Variants in NTRK3 observed in about 807,000 individuals in gnomAD.
The protein encoded by NTRK3 is NT-3 growth factor receptor.
A neutral mutation model predicts 91.7 loss-of-function variants in NTRK3; 24 were observed. That is an observed-to-expected ratio of 0.26 (90% CI 0.19 to 0.37). NTRK3 has a LOEUF of 0.37. Ranked by LOEUF, NTRK3 falls within the 10% of genes least tolerant of loss-of-function variation. The pLI is 1.00. For missense variants in NTRK3, 880 were observed against 1,068.9 expected (o/e 0.82, Z 2.46); for synonymous variants, 483 against 404.0 (o/e 1.20, Z -2.34).
chr15:87,963,909 A>T (rs11857033), intron 14 of NTRK3, among the ~76,000 whole-genome samples: 1,739 of 152,292 alleles, frequency 0.011, 37 homozygotes, highest in African/African-American at 0.04. Flanking sequence ...TTTAGTTTCA[A>T]TATATTTAGG....
exon 19 of NTRK3, chr15:87,868,406 T>C: frequency 4.5e-6 from 1 of 223,172 alleles, no homozygotes; most frequent in Non-Finnish European, 8.9e-6. Context: ...CCTAAAGAAA[T>C]ACCTAAGAAT....
At chr15:88,140,703 A>T (rs373794461) in intron 6 of NTRK3, among the ~76,000 whole-genome samples, 4 of 152,366 alleles carry the variant, frequency 2.6e-5, no homozygotes, top group African/African-American at 9.6e-5. Context: ...CGGTATGCTC[A>T]TGAGAGGATG....
intron 14 of NTRK3, among the ~76,000 whole-genome samples, chr15:88,027,859 T>C (rs186204802): frequency 8.5e-5 from 13 of 152,316 alleles, no homozygotes; most frequent in African/African-American, 3.1e-4. Flanking sequence ...AACGGCAGGC[T>C]GACCTATGAT....
intron 13 of NTRK3, among the ~76,000 whole-genome samples, chr15:88,037,351 C>G (rs2079162295): frequency 2.6e-5 from 4 of 152,152 alleles, no homozygotes; most frequent in Admixed American, 2.6e-4. Flanking sequence ...CATGTGAGGT[C>G]AGGCATTCGA....
chr15:88,013,771 G>A (rs758403992), intron 14 of NTRK3, among the ~76,000 whole-genome samples: 4 of 152,136 alleles, frequency 2.6e-5, no homozygotes, highest in Admixed American at 2.0e-4. Flanking sequence ...GGGGACTGAG[G>A]TAGGTGGATT....
intron 5 of NTRK3, among the ~76,000 whole-genome samples, chr15:88,169,011 G>A (rs1452758039): frequency 1.3e-5 from 2 of 152,188 alleles, no homozygotes; most frequent in Admixed American, 1.3e-4. Context: ...ATTCCAAGTC[G>A]AGGGAACGGC....
rs1277835821 is a variant in NTRK3 at position 88,049,295 on chromosome 15, C to CTTG, written c.1397-16251_1397-16250insCAA. ...CCCTAGTTTTCAAGAGTTTATGTTCCCAGGGCAGCAGGCATAATTTTGACC... is the reference window on the plus strand; with the variant it reads ...CCCTAGTTTTCAAGAGTTTATGTTCCTTGCAGGGCAGCAGGCATAATTTTGACC... On this transcript the variant is annotated intron_variant, in intron 13 of 18. Coordinates refer to ENST00000394480, the Ensembl canonical transcript of NTRK3. Among the ~76,000 whole-genome samples, 120 of 152,166 alleles carry CTTG rather than the reference C, an allele frequency of 7.9e-4. 2 individuals are homozygous for CTTG. In the South Asian group the frequency reaches 0.024, roughly 30 times the overall value.
intron 14 of NTRK3, among the ~76,000 whole-genome samples, chr15:87,947,353 GC>G (rs5814317): frequency 0.34 from 51,938 of 151,848 alleles, 10,184 homozygotes; most frequent in African/African-American, 0.55. Context: ...AATCATGACA[GC>G]CCCCTTCAAC....
At chr15:88,080,749 T>C (rs1407354333) in intron 13 of NTRK3, among the ~76,000 whole-genome samples, 1 of 152,220 alleles carries the variant, frequency 6.6e-6, no homozygotes, top group Non-Finnish European at 1.5e-5. Context: ...CAACTGAGGC[T>C]GGTTAGTCCC....
chr15:87,918,574 T>C (rs1450597620), intron 17 of NTRK3, among the ~76,000 whole-genome samples: 1 of 152,354 alleles, frequency 6.6e-6, no homozygotes, highest in Middle Eastern at 3.4e-3. Flanking sequence ...GCCATTCCTC[T>C]ACTTAGATAA....
chr15:87,886,493 G>A (rs180771826), intron 17 of NTRK3, among the ~76,000 whole-genome samples: 1 of 150,532 alleles, frequency 6.6e-6, no homozygotes, highest in African/African-American at 2.5e-5. Context: ...ACAACACAAG[G>A]CATTGAAAAA....
At chr15:87,944,080 C>A (rs556346588) in intron 14 of NTRK3, among the ~76,000 whole-genome samples, 1 of 152,146 alleles carries the variant, frequency 6.6e-6, no homozygotes, top group Non-Finnish European at 1.5e-5. Flanking sequence ...CTGTCCTTAG[C>A]CCTGGGTAGG....
intron 13 of NTRK3, among the ~76,000 whole-genome samples, chr15:88,066,611 G>T (rs1313340695): frequency 6.6e-6 from 1 of 152,194 alleles, no homozygotes; most frequent in Non-Finnish European, 1.5e-5. Context: ...CAGAGACAAG[G>T]GAGGGGAGAA....
At chr15:88,147,031 T>A (rs1026885606) in intron 6 of NTRK3, among the ~76,000 whole-genome samples, 5 of 152,172 alleles carry the variant, frequency 3.3e-5, no homozygotes, top group Non-Finnish European at 7.3e-5. Flanking sequence ...TGATTTATTA[T>A]AAATTCTTTA....
intron 17 of NTRK3, among the ~76,000 whole-genome samples, chr15:87,893,200 C>G (rs547512168): frequency 6.6e-6 from 1 of 152,126 alleles, no homozygotes; most frequent in Non-Finnish European, 1.5e-5. Flanking sequence ...TATCGTACCC[C>G]TCCTCAAGCC....
At chr15:87,970,144 T>G (rs2073135253) in intron 14 of NTRK3, among the ~76,000 whole-genome samples, 1 of 152,204 alleles carries the variant, frequency 6.6e-6, no homozygotes, top group South Asian at 2.1e-4. Context: ...ACTTACCCCA[T>G]GTCATTTTGC....
rs545953371 is a variant in NTRK3, at chr15:88,191,389, T to C, written c.249-7090A>G. ...TTTTAGTAGAGACAGGGTTATACCA[T>C]GTTGGCCAGGCTGGTTGCGAAATCC... is the stretch of plus-strand genomic sequence containing the variant. On this transcript the variant is annotated intron_variant, in intron 3 of 18. Coordinates refer to ENST00000394480, the Ensembl canonical transcript of NTRK3. 2.0e-5 allele frequency among the ~76,000 whole-genome samples: 3 copies of C among 152,286 alleles called. No individual in the cohort carries two copies. The South Asian group carries it at 6.2e-4, about 32-fold the overall frequency.
At chr15:87,877,393 C>G (rs1018039358) in intron 18 of NTRK3, among the ~76,000 whole-genome samples, 12 of 152,128 alleles carry the variant, frequency 7.9e-5, no homozygotes, top group African/African-American at 2.9e-4. Context: ...ACTCCCCATA[C>G]TCTCTTCTCT....
chr15:88,117,779 T>G (rs113481492), intron 13 of NTRK3, among the ~76,000 whole-genome samples: 40 of 152,268 alleles, frequency 2.6e-4, no homozygotes, highest in African/African-American at 8.7e-4. Flanking sequence ...CAGAGTTACT[T>G]GGTTGGTCTC....
Sources: allele counts gnomAD v4.1 joint callset (sites outside exome capture counted in the v4.1 genomes callset), GRCh38; gene constraint gnomAD v4.1.1; transcripts MANE v1.5; gene names NCBI Gene and HGNC (gene_info 2026-07-23, HGNC 2026-07-21).